Variants in POMT1 observed in about 807,000 individuals in gnomAD.
POMT1 encodes the protein protein O-mannosyl-transferase 1.
POMT1 carries 85 observed loss-of-function variants against 101.6 expected under a neutral mutation model. That is an observed-to-expected ratio of 0.84 (90% CI 0.70 to 1.00). The LOEUF (loss-of-function observed/expected upper bound fraction) is 1.00, where lower values mean the gene tolerates loss of function less well. Among genes scored for constraint, POMT1 ranks in the 50% least tolerant of loss-of-function variants. POMT1 has a pLI of 0.00. For missense variants in POMT1, 857 were observed against 930.4 expected, an observed-to-expected ratio of 0.92 and a Z score of 1.03; for synonymous variants, 371 against 383.0, an observed-to-expected ratio of 0.97 and a Z score of 0.37.
At position 131,509,059 on chromosome 9, in the gene POMT1, C is replaced by T. The variant is rs752542708; in HGVS notation, c.539+37C>T. On this transcript the variant is annotated intron_variant, in intron 6 of 19. Transcript: ENST00000402686. The stretch of plus-strand genomic sequence containing the variant: ...GGAGTGTCTTCCTAGTTAACGAGAA[C>T]AGAGATTCTGGGTGGTTTGTTGATC... 4 of 1,456,810 alleles carry T rather than the reference C, an allele frequency of 2.7e-6. No homozygotes were observed. The Admixed American group carries it at 5.0e-5, about 18-fold the overall frequency. 90.2% of individuals were successfully genotyped at this position (1,456,810 alleles called of 1,614,324 possible).
chr9:131,523,208 C>T lies in POMT1; in HGVS notation c.*102C>T. 4 of 1,450,694 alleles carry T rather than the reference C, an allele frequency of 2.8e-6. No individual in the cohort carries two copies. The highest frequency in any genetic ancestry group is 3.8e-6 in the Non-Finnish European group (4 of 1,065,724). 89.9% of individuals were successfully genotyped at this position (1,450,694 alleles called of 1,614,324 possible). On this transcript the variant is annotated 3_prime_UTR_variant, in exon 20 of 20. Coordinates refer to ENST00000402686, the MANE Select transcript of POMT1 (RefSeq NM_001077365.2). ...CAGGGTGGGCCCCACGCTGGGAGGA[C>T]ACGGGCTGGGCTGAGCAGGGCCTCT...
At chr9:131,510,933 G>A (rs781712419) in intron 9 of POMT1, 16 of 288,714 alleles carry the variant, frequency 5.5e-5, no homozygotes, top group African/African-American at 8.8e-5. Context: ...AGTAGAGGTG[G>A]TCAGGACTGT....
In POMT1 at chr9:131,506,386, T is replaced by C; in HGVS notation, c.230-17T>C. 1 of 1,610,452 alleles carries C rather than the reference T, an allele frequency of 6.2e-7. No homozygotes were observed. Among genetic ancestry groups the C allele is most frequent in the East Asian group, 2.2e-5 (1 of 44,864 alleles). On this transcript the variant is annotated splice_polypyrimidine_tract_variant and intron_variant, in intron 3 of 19. Transcript: ENST00000402686. The stretch of plus-strand genomic sequence containing the variant: ...ATTTGCTGAATGGGATAGTTACTGA[T>C]TAATCTTCTGTTTCAGGTTATTTAG...
intron 6 of POMT1, 54 bp downstream of exon 6, chr9:131,509,076 T>TTGTTG: frequency 7.5e-7 from 1 of 1,330,420 alleles, no homozygotes; most frequent in South Asian, 1.2e-5. Flanking sequence ...TCTGGGTGGT[T>TTGTTG]TGTTGATCTG....
At position 131,519,958 on chromosome 9, in the gene POMT1, C is replaced by G; in HGVS notation, c.1585-122C>G. The G allele has an allele frequency of 1.3e-6, 1 of 763,682 alleles. No homozygotes were observed. The highest frequency in any genetic ancestry group is 2.3e-6 in the Non-Finnish European group (1 of 441,314). The allele number at this position is 763,682 out of a possible 1,614,324, so 47.3% of individuals were successfully genotyped here. ...ATCATGCTGCCTCCGATGCATGATC[C>G]GAATGAACTTGAGCTGGGCCAGTCC... On this transcript the variant is annotated intron_variant, in intron 16 of 19. Coordinates refer to ENST00000402686, the MANE Select transcript of POMT1 (RefSeq NM_001077365.2). The surrounding 1 kb of genome is among the most constrained non-coding windows in gnomAD (Gnocchi z 4.3).
rs1949518217 is a variant in POMT1, at chr9:131,519,660, CT to C, written c.1584+175del. 6.6e-6 allele frequency among the ~76,000 whole-genome samples: 1 copy of C among 152,194 alleles called. No individual in the cohort carries two copies. Among genetic ancestry groups the C allele is most frequent in the African/African-American group, 2.4e-5 (1 of 41,446 alleles). ...GTGTAAGGGACTGTGTGTGACACCC[CT>C]GGCCCACACCTTGTGGCCCTGTGGT... On this transcript the variant is annotated intron_variant, in intron 16 of 19. Coordinates refer to ENST00000402686, the MANE Select transcript of POMT1 (RefSeq NM_001077365.2). This position sits in a 1 kb window ranked among gnomAD's most constrained non-coding sequence, Gnocchi z 4.3.
chr9:131,506,696 G>C, intron 4 of POMT1: 1 of 544,564 alleles, frequency 1.8e-6, no homozygotes, highest in Non-Finnish European at 3.3e-6. Flanking sequence ...CTTGTCGTTG[G>C]TACACGTATC....
intron 12 of POMT1, 47 bp downstream of exon 12, chr9:131,513,378 G>T: frequency 1.3e-6 from 2 of 1,551,066 alleles, no homozygotes; most frequent in Non-Finnish European, 1.8e-6. Context: ...GGTTTCCTCT[G>T]TGGTTCTCTG....
At chr9:131,510,156 G>A (rs1946791091) in intron 8 of POMT1, 104 bp from the exon 9 acceptor site, 1 of 1,605,736 alleles carries the variant, frequency 6.2e-7, no homozygotes. Flanking sequence ...CTCTGTATGG[G>A]AGGCCAGAGT....
chr9:131,507,221 C>T (rs1234309285), intron 4 of POMT1, 147 bp from the exon 5 acceptor site: 6 of 1,132,350 alleles, frequency 5.3e-6, no homozygotes, highest in African/African-American at 1.5e-5. Context: ...ATAGTTTATG[C>T]ACTCTGCTGC....
Position 131,521,423 on chromosome 9 carries a change from C to T in POMT1, c.1776C>T (p.Ser592=). ...CTCTGGCCATCTACGCCCTGCTGTCCTTGTGGTACCTGCTCCGACGGCGAA... is the reference window on the plus strand; with the variant it reads ...CTCTGGCCATCTACGCCCTGCTGTCTTTGTGGTACCTGCTCCGACGGCGAA... ...SLALAIYALL[S]LWYLLRRRRN... is the part of the protein sequence containing the mutation. Residue 592 remains serine, a synonymous_variant, in exon 18 of 20, where the codon TCC becomes TCT. Transcript: ENST00000402686. 6.2e-7 allele frequency: 1 copy of T among 1,614,160 alleles called. No individual in the cohort carries two copies. Among genetic ancestry groups the T allele is most frequent in the Middle Eastern group, 1.6e-4 (1 of 6,062 alleles).
chr9:131,509,619 GC>G (rs34524557), intron 6 of POMT1, 123 bp from the exon 7 acceptor site: 3 of 1,576,092 alleles, frequency 1.9e-6, no homozygotes, highest in South Asian at 1.1e-5. Flanking sequence ...CTTTCTTACT[GC>G]CCCTGTGGCT....
In POMT1 at chr9:131,522,543, C is replaced by T. The variant is rs1405619720; in HGVS notation, c.2003+319C>T. On this transcript the variant is annotated intron_variant, in intron 19 of 19. Coordinates refer to ENST00000402686, the MANE Select transcript of POMT1 (RefSeq NM_001077365.2). The surrounding 1 kb of genome is among the most constrained non-coding windows in gnomAD (Gnocchi z 5.5). Reference sequence around the variant, plus strand: ...CAGGAGCCTGGGGTGTCAGAAACGGCAGCTGGTTATGGTCGGGTTGTGTGG... The same window carrying T: ...CAGGAGCCTGGGGTGTCAGAAACGGTAGCTGGTTATGGTCGGGTTGTGTGG... The T allele has an allele frequency of 5.6e-6, 3 of 538,446 alleles. No individual in the cohort carries two copies. The highest frequency in any genetic ancestry group is 6.3e-5 in the Admixed American group (2 of 31,542). 33.4% of individuals were successfully genotyped at this position (538,446 alleles called of 1,614,324 possible).
intron 2 of POMT1, among the ~76,000 whole-genome samples, 181 bp from the exon 3 acceptor site, chr9:131,505,933 G>A (rs1945705553): frequency 1.3e-5 from 2 of 152,234 alleles, no homozygotes; most frequent in Admixed American, 1.3e-4. Context: ...GTCTCTGTGG[G>A]TGGGTGATGC....
chr9:131,513,169 C>A, intron 11 of POMT1, 70 bp from the exon 12 acceptor site: 3 of 1,317,290 alleles, frequency 2.3e-6, no homozygotes, highest in Non-Finnish European at 2.2e-6. Flanking sequence ...CAGAGCTGTG[C>A]CCCTCCGGTG....
rs956361821 is a variant in POMT1, at chr9:131,521,040, G to C, written c.1699-306G>C. 1.0e-4 allele frequency: 42 copies of C among 401,608 alleles called. 1 individual carries two copies. In the Admixed American group the frequency reaches 1.5e-3, roughly 14 times the overall value. The allele number at this position is 401,608 out of a possible 1,614,324, so 24.9% of individuals were successfully genotyped here. Reference sequence around the variant, plus strand: ...TACTTTTTAATAGAGACGGGGTTTCGCCACGTTGGGCAGGCTGGTCTCAAA... The same window carrying C: ...TACTTTTTAATAGAGACGGGGTTTCCCCACGTTGGGCAGGCTGGTCTCAAA... On this transcript the variant is annotated intron_variant, in intron 17 of 19. Coordinates refer to ENST00000402686, the MANE Select transcript of POMT1 (RefSeq NM_001077365.2).
At position 131,522,468 on chromosome 9, in the gene POMT1, G is replaced by A. The variant is rs1950147208; in HGVS notation, c.2003+244G>A. On this transcript the variant is annotated intron_variant, in intron 19 of 19. Transcript: ENST00000402686. This position sits in a 1 kb window ranked among gnomAD's most constrained non-coding sequence, Gnocchi z 5.5. ...GGAGTGGGTGGGGAGACGGGGAGGGGATGAAGAGATGTGGGTGGCCTGGAG... is the reference window on the plus strand; with the variant it reads ...GGAGTGGGTGGGGAGACGGGGAGGGAATGAAGAGATGTGGGTGGCCTGGAG... 3 of 756,748 alleles carry A rather than the reference G, an allele frequency of 4.0e-6. No homozygotes were observed. Among genetic ancestry groups the A allele is most frequent in the Admixed American group, 2.9e-5 (1 of 34,872 alleles). 46.9% of individuals were successfully genotyped at this position (756,748 alleles called of 1,614,324 possible).
At chr9:131,518,334 T>C in intron 13 of POMT1, 111 bp from the exon 14 acceptor site, 1 of 954,142 alleles carries the variant, frequency 1.0e-6, no homozygotes, top group Non-Finnish European at 1.7e-6. Flanking sequence ...TGGGGACTTG[T>C]CCCTTTGTCT....
At chr9:131,506,024 T>C in intron 2 of POMT1, 90 bp from the exon 3 acceptor site, 1 of 1,559,884 alleles carries the variant, frequency 6.4e-7, no homozygotes, top group East Asian at 2.2e-5. Context: ...TCAAAGTCAT[T>C]TGGAAACACA....
Sources: allele counts gnomAD v4.1 joint callset (sites outside exome capture counted in the v4.1 genomes callset), GRCh38; gene constraint gnomAD v4.1.1; non-coding constraint Gnocchi (gnomAD v3.1); transcripts MANE v1.5; gene names NCBI Gene and HGNC (gene_info 2026-07-23, HGNC 2026-07-21).